LRRC37A2: variants seen among roughly 807,000 people sequenced by gnomAD.
The protein encoded by LRRC37A2 is leucine rich repeat containing 37 member A2.
Under a neutral mutation model 68.8 loss-of-function variants are expected in LRRC37A2, and 9 were observed. The ratio of observed to expected loss-of-function variants is 0.13; its 90% CI spans 0.08 to 0.23. The LOEUF (loss-of-function observed/expected upper bound fraction) is 0.23. Among genes scored for constraint, LRRC37A2 ranks in the 10% least tolerant of loss-of-function variants. The pLI is 1.00. For missense variants in LRRC37A2, 168 were observed against 950.4 expected (o/e 0.18, Z 10.82); for synonymous variants, 63 against 367.6 (o/e 0.17, Z 9.48).
At chr17:46,982,740 G>A in the LRRC37A2 span, among the ~76,000 whole-genome samples, 1 of 152,208 alleles carries the variant, frequency 6.6e-6, no homozygotes, top group East Asian at 1.9e-4. Context: ...AGCAGGAAGG[G>A]GGAGAGAGAC....
At chr17:46,801,006 T>C in the LRRC37A2 span, among the ~76,000 whole-genome samples, 1 of 152,206 alleles carries the variant, frequency 6.6e-6, no homozygotes, top group Non-Finnish European at 1.5e-5. Flanking sequence ...ATGAAATTAA[T>C]GTCAGCAAAA....
chr17:46,719,652 T>G, the LRRC37A2 span, among the ~76,000 whole-genome samples: 1 of 152,226 alleles, frequency 6.6e-6, no homozygotes, highest in Non-Finnish European at 1.5e-5. This position sits in a 1 kb window ranked among gnomAD's most constrained non-coding sequence, Gnocchi z 4.3. Context: ...CTTCCCAAAC[T>G]TCATTCTATT....
At chr17:46,754,177 G>T in the LRRC37A2 span, among the ~76,000 whole-genome samples, 2 of 128,604 alleles carry the variant, frequency 1.6e-5, no homozygotes, top group South Asian at 2.5e-4. Flanking sequence ...TTAAGAACTT[G>T]ACAATTGATT....
chr17:47,000,077 A>ATAAAAT, the LRRC37A2 span, among the ~76,000 whole-genome samples: 3 of 5,120 alleles, frequency 5.9e-4, 1 homozygote, highest in South Asian at 0.032. Flanking sequence ...AATAAAATAA[A>ATAAAAT]AAATAAAATA....
the LRRC37A2 span, among the ~76,000 whole-genome samples, chr17:46,897,692 G>A: frequency 2.6e-5 from 4 of 151,940 alleles, no homozygotes; most frequent in Admixed American, 6.6e-5. Context: ...TCACCGTCAT[G>A]TTGCCTAGGC....
At chr17:46,987,443 C>T in the LRRC37A2 span, among the ~76,000 whole-genome samples, 17 of 151,914 alleles carry the variant, frequency 1.1e-4, no homozygotes, top group South Asian at 2.1e-4. Flanking sequence ...ACTCTTTTTT[C>T]GCATTAAAAA....
At position 46,548,768 on chromosome 17, in the gene LRRC37A2, C is replaced by T. The variant is rs745567007; in HGVS notation, c.3629C>T (p.Ala1210Val). The T allele has an allele frequency of 6.2e-6, 10 of 1,611,274 alleles. No homozygotes were observed. The Middle Eastern group carries it at 9.2e-4, about 149-fold the overall frequency. Residue 1210 changes from alanine (A) to valine (V), a missense_variant, in exon 10 of 15, where the codon GCC (alanine) becomes GTC (valine). Coordinates refer to ENST00000576629, the Ensembl canonical transcript of LRRC37A2. Reference sequence around the variant, plus strand: ...GAAGAAAAAAGGCTCGGGAGTCCAGCCCCAAGGGAGGTGGAACAGCCCCAC... The same window carrying T: ...GAAGAAAAAAGGCTCGGGAGTCCAGTCCCAAGGGAGGTGGAACAGCCCCAC...
chr17:46,822,311 C>T, the LRRC37A2 span, among the ~76,000 whole-genome samples: 4 of 152,154 alleles, frequency 2.6e-5, no homozygotes, highest in African/African-American at 9.7e-5. Context: ...GGGTGGTGGG[C>T]GCAGGAGTAA....
At chr17:46,818,755 G>C in the LRRC37A2 span, 1 of 745,494 alleles carries the variant, frequency 1.3e-6, no homozygotes, top group Non-Finnish European at 2.3e-6. Flanking sequence ...AGCCCAGCGC[G>C]GAGCAGCCGG....
intron 6 of LRRC37A2, among the ~76,000 whole-genome samples, chr17:46,539,212 G>GA (rs1166753209): frequency 1.0e-4 from 4 of 40,052 alleles, no homozygotes; most frequent in Admixed American, 2.7e-4. Context: ...CTCCATCTCA[G>GA]AAAAAAAAAA....
the LRRC37A2 span, among the ~76,000 whole-genome samples, chr17:46,403,393 A>T: frequency 2.3e-5 from 1 of 44,040 alleles, no homozygotes; most frequent in Non-Finnish European, 5.2e-5. Flanking sequence ...CCCCATCTCT[A>T]CTAAAAATAC....
At chr17:46,803,836 G>A in the LRRC37A2 span, among the ~76,000 whole-genome samples, 2 of 152,222 alleles carry the variant, frequency 1.3e-5, no homozygotes, top group African/African-American at 4.8e-5. Context: ...CCGGAAGCAG[G>A]CTCACGGCTG....
chr17:46,965,617 T>C, the LRRC37A2 span, among the ~76,000 whole-genome samples: 1 of 66,048 alleles, frequency 1.5e-5, no homozygotes, highest in Non-Finnish European at 3.2e-5. Context: ...CCAGCAATGC[T>C]ATGCCTTCTC....
chr17:46,818,953 T>G, the LRRC37A2 span, among the ~76,000 whole-genome samples: 1 of 152,068 alleles, frequency 6.6e-6, no homozygotes, highest in Non-Finnish European at 1.5e-5. Context: ...GGGGACGCGG[T>G]GGGCCGGACC....
the LRRC37A2 span, among the ~76,000 whole-genome samples, chr17:46,777,812 T>A: frequency 6.6e-6 from 1 of 152,214 alleles, no homozygotes; most frequent in African/African-American, 2.4e-5. Context: ...CCTGAGTTTG[T>A]CTGACTCCCA....
the LRRC37A2 span, among the ~76,000 whole-genome samples, chr17:46,969,419 C>T: frequency 3.6e-4 from 55 of 152,250 alleles, no homozygotes; most frequent in Admixed American, 2.4e-3. Flanking sequence ...ATGCTGGTTC[C>T]GCCACCTCCT....
At chr17:46,499,606 A>AG in the LRRC37A2 span, among the ~76,000 whole-genome samples, 1 of 113,814 alleles carries the variant, frequency 8.8e-6, no homozygotes, top group East Asian at 2.6e-4. Flanking sequence ...CAGATGAGCC[A>AG]GGGGGGCATG....
the LRRC37A2 span, among the ~76,000 whole-genome samples, chr17:46,842,069 C>T: frequency 6.6e-6 from 1 of 152,224 alleles, no homozygotes; most frequent in Non-Finnish European, 1.5e-5. Context: ...AGGCCTCCCC[C>T]TCCATCCCTC....
the LRRC37A2 span, among the ~76,000 whole-genome samples, chr17:46,725,484 A>G: frequency 5.9e-5 from 9 of 152,304 alleles, no homozygotes; most frequent in African/African-American, 2.2e-4. Flanking sequence ...GAGGTAAGGA[A>G]GGAACTGAAT....
Sources: gnomAD v4.1 joint callset for allele counts (sites outside exome capture counted in the v4.1 genomes callset) on GRCh38, gnomAD v4.1.1 for gene constraint, Gnocchi (gnomAD v3.1) non-coding constraint, MANE v1.5 for transcripts, NCBI Gene and HGNC (gene_info 2026-07-23, HGNC 2026-07-21) for gene names.